FLNB: variants seen among roughly 807,000 people sequenced by gnomAD.
FLNB encodes filamin-B.
Under a neutral mutation model 250.6 loss-of-function variants are expected in FLNB, and 111 were observed. The ratio of observed to expected loss-of-function variants is 0.44; its 90% CI spans 0.38 to 0.52. FLNB has a LOEUF of 0.52. Ranked by LOEUF, FLNB falls within the 20% of genes least tolerant of loss-of-function variation. FLNB has a pLI of 0.00. For missense variants in FLNB, 2,869 were observed against 3,447.8 expected, an observed-to-expected ratio of 0.83 and a Z score of 4.20; for synonymous variants, 1,302 against 1,372.1, an observed-to-expected ratio of 0.95 and a Z score of 1.13.
chr3:58,027,068 C>T (rs1030643158), intron 1 of FLNB, among the ~76,000 whole-genome samples: 3 of 152,136 alleles, frequency 2.0e-5, no homozygotes, highest in Non-Finnish European at 4.4e-5. Context: ...CTTCTGGAGA[C>T]CCGTTTCTGT....
At chr3:58,057,006 G>C (rs1415982299) in intron 1 of FLNB, among the ~76,000 whole-genome samples, 1 of 152,012 alleles carries the variant, frequency 6.6e-6, no homozygotes, top group Admixed American at 6.6e-5. Context: ...TTGAGGTGAG[G>C]TCTCTCTTTG....
At chr3:58,012,760 A>G (rs1028294899) in intron 1 of FLNB, among the ~76,000 whole-genome samples, 6 of 152,232 alleles carry the variant, frequency 3.9e-5, no homozygotes, top group African/African-American at 1.2e-4. Flanking sequence ...CTACTACCCA[A>G]TGGATGATGT....
chr3:58,165,368 C>T (rs1049824262), intron 43 of FLNB: 16 of 152,192 alleles, frequency 1.1e-4, no homozygotes, highest in African/African-American at 3.9e-4. Flanking sequence ...GGTACAGAAC[C>T]GCCTGCTTCA....
intron 4 of FLNB, among the ~76,000 whole-genome samples, chr3:58,086,302 A>G (rs1267112277): frequency 2.0e-5 from 3 of 151,806 alleles, no homozygotes; most frequent in African/African-American, 4.8e-5. Flanking sequence ...ATGCTTGGCT[A>G]TTAGGTGTAT....
chr3:58,158,003 G>A (rs4564943), intron 41 of FLNB, among the ~76,000 whole-genome samples: 13,414 of 150,924 alleles, frequency 0.089, 711 homozygotes, highest in Non-Finnish European at 0.11. Flanking sequence ...GAGATTTTGC[G>A]GAGGCCCACG....
At chr3:58,121,631 T>A (rs2097288905) in intron 20 of FLNB, 128 bp downstream of exon 20, 1 of 1,216,028 alleles carries the variant, frequency 8.2e-7, no homozygotes, top group Non-Finnish European at 1.2e-6. Flanking sequence ...CACAATTCAC[T>A]GTGAAAGGTC....
Position 58,169,846 on chromosome 3 carries a change from C to A in FLNB, c.7621+53C>A. 6.7e-7 allele frequency: 1 copy of A among 1,488,348 alleles called. No homozygotes were observed. Among genetic ancestry groups the A allele is most frequent in the Non-Finnish European group, 9.3e-7 (1 of 1,075,242 alleles). 92.2% of individuals were successfully genotyped at this position (1,488,348 alleles called of 1,614,324 possible). Reference sequence around the variant, plus strand: ...GGGTGGGGCAGGGGCAGGCTGGGCACCCTGGGTACACTGGCCTTCCCTGCT... The same window carrying A: ...GGGTGGGGCAGGGGCAGGCTGGGCAACCTGGGTACACTGGCCTTCCCTGCT... On this transcript the variant is annotated intron_variant, in intron 45 of 45. Transcript: ENST00000295956. The surrounding 1 kb of genome is among the most constrained non-coding windows in gnomAD (Gnocchi z 4.8).
At chr3:58,137,065 T>C (rs2097317460) in intron 28 of FLNB, among the ~76,000 whole-genome samples, 2 of 152,230 alleles carry the variant, frequency 1.3e-5, no homozygotes, top group South Asian at 4.1e-4. Flanking sequence ...TCAGTGCTGC[T>C]GCTCAAGCAG....
Position 58,148,238 on chromosome 3 carries a change from G to A in FLNB, c.5761G>A (p.Gly1921Ser). The A allele has an allele frequency of 6.2e-7, 1 of 1,614,208 alleles. No individual in the cohort carries two copies. The highest frequency in any genetic ancestry group is 8.5e-7 in the Non-Finnish European group (1 of 1,180,048). The change falls in exon 35 of 46, where the codon GGC becomes AGC. Residue 1921 changes from glycine (G) to serine (S), a missense_variant. Coordinates refer to ENST00000295956, the MANE Select transcript of FLNB (RefSeq NM_001457.4). ...CAGGCGGTGCTCCCAGGTGAAGTTG[G>A]GCTCAGCCGCTGACTTCCTGCTCGA... The part of the protein sequence containing the change: ...DSRRCSQVKL[G>S]SAADFLLDIS...
intron 1 of FLNB, among the ~76,000 whole-genome samples, chr3:58,067,965 T>C (rs1329664586): frequency 6.6e-6 from 1 of 152,212 alleles, no homozygotes; most frequent in Admixed American, 6.5e-5. Context: ...GCAGGGCATC[T>C]GATACTGGGA....
chr3:58,098,232 A>G (rs2097242512), intron 7 of FLNB, among the ~76,000 whole-genome samples: 1 of 152,234 alleles, frequency 6.6e-6, no homozygotes, highest in South Asian at 2.1e-4. Context: ...GAAAATGCAG[A>G]AGAAGGAAAC....
intron 2 of FLNB, 138 bp downstream of exon 2, chr3:58,077,432 A>G: frequency 2.6e-6 from 3 of 1,140,326 alleles, no homozygotes; most frequent in Non-Finnish European, 3.7e-6. Context: ...TAAGCCCATT[A>G]TAAGGAAACT....
chr3:58,169,436 A>ACACC lies in FLNB; in HGVS notation c.7418-152_7418-151insCCCA. 1 of 696,224 alleles carries ACACC rather than the reference A, an allele frequency of 1.4e-6. No homozygotes were observed. The highest frequency in any genetic ancestry group is 1.7e-5 in the African/African-American group (1 of 57,428). 43.1% of individuals were successfully genotyped at this position (696,224 alleles called of 1,614,324 possible). On this transcript the variant is annotated intron_variant, in intron 44 of 45. Coordinates refer to ENST00000295956, the MANE Select transcript of FLNB (RefSeq NM_001457.4). The surrounding 1 kb of genome is among the most constrained non-coding windows in gnomAD (Gnocchi z 4.8). ...GGGTGGGATCCTAGGGGTTTAGAAG[A>ACACC]CATTATGGGTGTGAGATACAGGTGT...
In FLNB at chr3:58,104,060, T is replaced by TTG. The variant is rs1559695117; in HGVS notation, c.1585_1586insTG (p.Trp529LeufsTer45). On this transcript the variant is annotated frameshift_variant, in exon 10 of 46. Transcript: ENST00000295956. LOFTEE classifies it high-confidence loss of function. ...GGGGAGATACAGCATTGCCATCACA[T>TTG]GGGGGGGACACCACATTCCAAAGAG... The TTG allele has an allele frequency of 2.5e-6, 4 of 1,613,692 alleles. No homozygotes were observed.
intron 1 of FLNB, among the ~76,000 whole-genome samples, chr3:58,019,947 G>A (rs1274459197): frequency 1.3e-5 from 2 of 152,152 alleles, no homozygotes; most frequent in Non-Finnish European, 2.9e-5. Flanking sequence ...AGGTGGGCAG[G>A]GCTTTTGTTT....
At chr3:58,034,557 G>A (rs914948440) in intron 1 of FLNB, among the ~76,000 whole-genome samples, 3 of 152,176 alleles carry the variant, frequency 2.0e-5, no homozygotes, top group African/African-American at 4.8e-5. Context: ...TGAGGAAACC[G>A]AGGCACTGAG....
At chr3:58,064,665 G>C (rs542754512) in intron 1 of FLNB, among the ~76,000 whole-genome samples, 1 of 152,070 alleles carries the variant, frequency 6.6e-6, no homozygotes, top group African/African-American at 2.4e-5. Context: ...GTGCCAAGCA[G>C]TGCGGCATGC....
At chr3:58,081,596 T>C (rs1189627462) in intron 3 of FLNB, 33 bp from the exon 4 acceptor site, 1 of 1,610,958 alleles carries the variant, frequency 6.2e-7, no homozygotes, top group Admixed American at 1.7e-5. Flanking sequence ...AGTGATGTGT[T>C]CTGGGTGTTC....
At chr3:58,165,331 A>T in intron 43 of FLNB, 1 of 152,374 alleles carries the variant, frequency 6.6e-6, no homozygotes, top group South Asian at 2.1e-4. Context: ...TTGCTCTTGC[A>T]GGGAAGCTCC....
Sources: gnomAD v4.1 joint callset for allele counts (sites outside exome capture counted in the v4.1 genomes callset) on GRCh38, gnomAD v4.1.1 for gene constraint, Gnocchi (gnomAD v3.1) non-coding constraint, MANE v1.5 for transcripts, NCBI Gene and HGNC (gene_info 2026-07-23, HGNC 2026-07-21) for gene names.